The following SHC3 variants were observed in gnomAD, a reference collection of about 807,000 sequenced individuals.
SHC3 encodes SHC-transforming protein 3.
In SHC3, 15 loss-of-function variants were observed where a neutral mutation model predicts 60.4. The observed-to-expected ratio is 0.25, with a 90% CI of 0.17 to 0.38. SHC3 has a LOEUF of 0.38. Ranked by LOEUF, SHC3 falls within the 10% of genes least tolerant of loss-of-function variation. SHC3 has a pLI of 1.00. For synonymous variants in SHC3, 294 were observed against 325.9 expected (o/e 0.90, Z 1.05); for missense variants, 677 against 786.1 (o/e 0.86, Z 1.66).
intron 4 of SHC3, among the ~76,000 whole-genome samples, chr9:89,072,954 A>G (rs1395024790): frequency 1.3e-5 from 2 of 152,244 alleles, no homozygotes; most frequent in African/African-American, 2.4e-5. Flanking sequence ...CTCAGGATCT[A>G]GAAACCCCTG....
intron 1 of SHC3, among the ~76,000 whole-genome samples, chr9:89,176,466 A>C (rs529279064): frequency 1.4e-3 from 211 of 152,364 alleles, no homozygotes; most frequent in African/African-American, 4.9e-3. Context: ...TGACAGGTAG[A>C]AAAAGCTTTG....
chr9:89,040,237 C>CCATCATCATCACTGT (rs1824664565), intron 10 of SHC3, among the ~76,000 whole-genome samples: 7 of 2,410 alleles, frequency 2.9e-3, no homozygotes, highest in South Asian at 0.016. Context: ...ACCATCACCA[C>CCATCATCATCACTGT]CACCACCACC....
intron 1 of SHC3, among the ~76,000 whole-genome samples, chr9:89,130,147 C>T (rs1161728155): frequency 6.6e-6 from 1 of 152,102 alleles, no homozygotes; most frequent in East Asian, 1.9e-4. Flanking sequence ...TTCAAACCAA[C>T]AAAGATCAAA....
intron 1 of SHC3, among the ~76,000 whole-genome samples, chr9:89,116,128 T>C (rs1466164875): frequency 6.6e-6 from 1 of 152,192 alleles, no homozygotes; most frequent in Non-Finnish European, 1.5e-5. Flanking sequence ...GGGACTATTA[T>C]GACAAATTTC....
At chr9:89,059,896 T>C (rs1587703487) in intron 6 of SHC3, among the ~76,000 whole-genome samples, 1 of 135,920 alleles carries the variant, frequency 7.4e-6, no homozygotes, top group Non-Finnish European at 1.6e-5. Context: ...CAGAGGATGG[T>C]GGTGTAGGAC....
chr9:89,052,266 T>C, intron 6 of SHC3, 103 bp from the exon 7 acceptor site: 1 of 1,420,656 alleles, frequency 7.0e-7, no homozygotes, highest in Non-Finnish European at 9.5e-7. Flanking sequence ...GAGAGGTGCA[T>C]GCTTCTTCCA....
chr9:89,027,552 G>A (rs182054318), intron 11 of SHC3, among the ~76,000 whole-genome samples: 26 of 151,630 alleles, frequency 1.7e-4, no homozygotes, highest in Admixed American at 6.6e-4. Flanking sequence ...CCCTGACCTC[G>A]TGATCCGCCC....
At chr9:89,038,607 G>A (rs1355442835) in intron 10 of SHC3, among the ~76,000 whole-genome samples, 1 of 152,192 alleles carries the variant, frequency 6.6e-6, no homozygotes, top group Non-Finnish European at 1.5e-5. Flanking sequence ...ATTTTTGCAT[G>A]CTGCAAGAGG....
chr9:89,069,355 A>G (rs2117989298), intron 5 of SHC3, among the ~76,000 whole-genome samples: 2 of 152,338 alleles, frequency 1.3e-5, no homozygotes, highest in Non-Finnish European at 2.9e-5. Flanking sequence ...ATGCATCTCA[A>G]TAAGGACTTT....
chr9:89,178,091 C>A lies in SHC3; in HGVS notation c.370G>T (p.Ala124Ser), dbSNP rs1177267162. The change falls in exon 1 of 12, where the codon GCC (alanine) becomes TCC (serine). Residue 124 changes from alanine to serine, a missense_variant. By Grantham distance (99) the Ala-to-Ser change is moderately conservative. Coordinates refer to ENST00000375835, the MANE Select transcript of SHC3 (RefSeq NM_016848.6). This position sits in a 1 kb window ranked among gnomAD's most constrained non-coding sequence, Gnocchi z 6.9. ...TCGTCGCCGGGCCGGCCCTTCCTGG[C>A]GGCGCTCATGGCCGGGGCGCGGGGC... ...SAPRAPAMSA[A>S]RKGRPGDEPL... The A allele has an allele frequency of 1.0e-5, 12 of 1,182,440 alleles. No homozygotes were observed. The highest frequency in any genetic ancestry group is 9.4e-6 in the Non-Finnish European group (9 of 956,576). The allele number at this position is 1,182,440 out of a possible 1,614,324, so 73.2% of individuals were successfully genotyped here. A position where few individuals can be genotyped will look rare whatever the true frequency, so the allele number is the denominator to read the frequency against.
rs560199438 is a variant in SHC3 at position 89,137,215 on chromosome 9, G to A, written c.475-24589C>T. Among the ~76,000 whole-genome samples the A allele has an allele frequency of 4.6e-5, 7 of 152,252 alleles. No homozygotes were observed. In the South Asian group the frequency reaches 1.4e-3, roughly 32 times the overall value. ...GTGGGGGGACACAAAGCTAAACCAT[G>A]TCATGGAGATACCATTGTTTTTCCA... On this transcript the variant is annotated intron_variant, in intron 1 of 11. Transcript: ENST00000375835.
Position 89,096,141 on chromosome 9 carries a change from G to A in SHC3, c.545+16415C>T, listed in dbSNP as rs183897497. 3.9e-5 allele frequency among the ~76,000 whole-genome samples: 6 copies of A among 152,294 alleles called. No individual in the cohort carries two copies. The East Asian group carries it at 1.2e-3, about 29-fold the overall frequency. On this transcript the variant is annotated intron_variant, in intron 2 of 11. Transcript: ENST00000375835. ...GTTCTCTTCAACTACCCGCACAAAC[G>A]TTGAATACGCATGAGAGAGGCTTGT...
chr9:89,057,629 CA>C (rs397893856), intron 6 of SHC3, among the ~76,000 whole-genome samples: 19 of 149,184 alleles, frequency 1.3e-4, no homozygotes, highest in African/African-American at 3.4e-4. Flanking sequence ...GACGAGAGCA[CA>C]AAAAAAAACA....
chr9:89,132,608 C>T (rs1266033919), intron 1 of SHC3, among the ~76,000 whole-genome samples: 1 of 152,114 alleles, frequency 6.6e-6, no homozygotes, highest in African/African-American at 2.4e-5. Flanking sequence ...TAATACCACA[C>T]ATCTACAACC....
chr9:89,144,667 G>T (rs973716964), intron 1 of SHC3, among the ~76,000 whole-genome samples: 3 of 152,176 alleles, frequency 2.0e-5, no homozygotes, highest in African/African-American at 7.2e-5. Flanking sequence ...TATTTTTAAT[G>T]TATTTATTGG....
intron 9 of SHC3, 62 bp downstream of exon 9, chr9:89,045,684 T>G: frequency 2.2e-5 from 33 of 1,485,768 alleles, no homozygotes; most frequent in Non-Finnish European, 2.9e-5. Context: ...GACCCAGTGG[T>G]GAGCATGTTA....
chr9:89,113,308 G>T (rs1259322828), intron 1 of SHC3, among the ~76,000 whole-genome samples: 2 of 152,092 alleles, frequency 1.3e-5, no homozygotes, highest in African/African-American at 4.8e-5. Flanking sequence ...TATGGATAAA[G>T]AGCTAGATCC....
At chr9:89,160,037 A>G (rs1826681222) in intron 1 of SHC3, among the ~76,000 whole-genome samples, 1 of 152,238 alleles carries the variant, frequency 6.6e-6, no homozygotes, top group South Asian at 2.1e-4. Flanking sequence ...CTAATAGGGA[A>G]ATCCCGGCCA....
At chr9:89,054,538 A>C (rs1438300352) in intron 6 of SHC3, among the ~76,000 whole-genome samples, 1 of 152,232 alleles carries the variant, frequency 6.6e-6, no homozygotes, top group Non-Finnish European at 1.5e-5. Context: ...ACAATCTTCT[A>C]GCCTGCCCTG....
Sources: allele counts gnomAD v4.1 joint callset (sites outside exome capture counted in the v4.1 genomes callset), GRCh38; gene constraint gnomAD v4.1.1; non-coding constraint Gnocchi (gnomAD v3.1); transcripts MANE v1.5; gene names NCBI Gene and HGNC (gene_info 2026-07-23, HGNC 2026-07-21).